Variants in SHISA6 observed in about 807,000 individuals in gnomAD.
The protein encoded by SHISA6 is shisa family member 6, also known as protein shisa-6.
SHISA6 carries 22 observed loss-of-function variants against 47.9 expected under a neutral mutation model. The ratio of observed to expected loss-of-function variants is 0.46; its 90% CI spans 0.33 to 0.66. The LOEUF is 0.66. Ranked by LOEUF, SHISA6 falls within the 30% of genes least tolerant of loss-of-function variation. The pLI is 0.02. For synonymous variants in SHISA6, 388 were observed against 337.8 expected, an observed-to-expected ratio of 1.15 and a Z score of -1.63; for missense variants, 680 against 764.6, an observed-to-expected ratio of 0.89 and a Z score of 1.30.
intron 3 of SHISA6, among the ~76,000 whole-genome samples, chr17:11,532,678 T>TGCAG (rs1021166733): frequency 1.7e-4 from 26 of 150,978 alleles, no homozygotes; most frequent in Non-Finnish European, 3.1e-4. Context: ...CTGAATTGAA[T>TGCAG]GCAGTCTAAG....
chr17:11,510,979 C>T (rs148817621), intron 3 of SHISA6, among the ~76,000 whole-genome samples: 3 of 152,284 alleles, frequency 2.0e-5, no homozygotes, highest in African/African-American at 7.2e-5. Flanking sequence ...CACTGTGGCT[C>T]AGTGTTCTCT....
intron 2 of SHISA6, among the ~76,000 whole-genome samples, chr17:11,365,367 T>A (rs1306591440): frequency 6.6e-6 from 1 of 152,104 alleles, no homozygotes; most frequent in Non-Finnish European, 1.5e-5. Context: ...AACCTCTGCC[T>A]CCCAGATTCA....
chr17:11,293,530 G>A (rs1166015617), intron 2 of SHISA6, among the ~76,000 whole-genome samples: 2 of 152,080 alleles, frequency 1.3e-5, no homozygotes, highest in Admixed American at 1.3e-4. Context: ...TGGAGCCTGG[G>A]CATCCTCGGA....
chr17:11,403,361 C>G (rs1192646054), intron 3 of SHISA6, among the ~76,000 whole-genome samples: 1 of 152,156 alleles, frequency 6.6e-6, no homozygotes, highest in East Asian at 1.9e-4. Flanking sequence ...AGCCACTACA[C>G]TGCAAAAAAG....
At position 11,277,793 on chromosome 17, in the gene SHISA6, A is replaced by G. The variant is rs1040443104; in HGVS notation, c.799+14267A>G. Among the ~76,000 whole-genome samples the G allele has an allele frequency of 3.9e-4, 60 of 152,166 alleles. 1 individual carries two copies. The highest frequency in any genetic ancestry group is 1.4e-3 in the African/African-American group (57 of 41,428). ...CACGTGCCTTCCATGTCATAGCCCA[A>G]GATGGCTGCCTGAGCTCATGCCATC... On this transcript the variant is annotated intron_variant, in intron 2 of 5. Transcript: ENST00000441885.
chr17:11,368,090 A>G (rs1221762929), intron 2 of SHISA6, among the ~76,000 whole-genome samples: 1 of 152,208 alleles, frequency 6.6e-6, no homozygotes, highest in Non-Finnish European at 1.5e-5. Flanking sequence ...AAATCCCACA[A>G]GACGCTCTAT....
chr17:11,504,433 G>A (rs11871458), intron 3 of SHISA6, among the ~76,000 whole-genome samples: 2,058 of 152,260 alleles, frequency 0.014, 52 homozygotes, highest in African/African-American at 0.047. Flanking sequence ...TGTCCTGATC[G>A]TAGGAGCCCA....
At chr17:11,494,434 A>G (rs989281900) in intron 3 of SHISA6, among the ~76,000 whole-genome samples, 1 of 152,096 alleles carries the variant, frequency 6.6e-6, no homozygotes, top group African/African-American at 2.4e-5. Context: ...GTGCTATTAT[A>G]TTAGCTAAAA....
At chr17:11,344,941 G>A (rs551793718) in intron 2 of SHISA6, among the ~76,000 whole-genome samples, 3 of 151,698 alleles carry the variant, frequency 2.0e-5, no homozygotes, top group Non-Finnish European at 4.4e-5. Context: ...CCCTCTTTCC[G>A]ACCTTTCCTA....
intron 3 of SHISA6, among the ~76,000 whole-genome samples, chr17:11,395,245 G>A (rs188583909): frequency 7.2e-4 from 109 of 151,688 alleles, no homozygotes; most frequent in African/African-American, 2.6e-3. Flanking sequence ...TTATTCAAAC[G>A]TACCACTAGT....
chr17:11,329,982 GA>G (rs768586112), intron 2 of SHISA6, among the ~76,000 whole-genome samples: 7 of 150,626 alleles, frequency 4.6e-5, no homozygotes, highest in Non-Finnish European at 1.0e-4. Flanking sequence ...CATATGAGTA[GA>G]ATACGGCCAT....
At chr17:11,357,675 A>G (rs1912121772) in intron 2 of SHISA6, among the ~76,000 whole-genome samples, 2 of 152,368 alleles carry the variant, frequency 1.3e-5, no homozygotes, top group South Asian at 4.1e-4. Context: ...TGGATGTAAC[A>G]TAATTTATGC....
intron 3 of SHISA6, among the ~76,000 whole-genome samples, chr17:11,389,163 C>G (rs1440145225): frequency 6.6e-6 from 1 of 152,076 alleles, no homozygotes; most frequent in Non-Finnish European, 1.5e-5. Context: ...GTAGCACCAC[C>G]ACATTTGCCC....
intron 2 of SHISA6, among the ~76,000 whole-genome samples, chr17:11,305,386 A>G (rs1033766817): frequency 2.0e-5 from 3 of 152,204 alleles, no homozygotes; most frequent in African/African-American, 7.2e-5. Context: ...TCAATAAGCA[A>G]TGCACAGGAA....
chr17:11,383,750 T>C (rs1288091002), intron 3 of SHISA6, among the ~76,000 whole-genome samples: 4 of 152,204 alleles, frequency 2.6e-5, no homozygotes, highest in African/African-American at 7.2e-5. Context: ...CTTTCTTGGT[T>C]CCTTTCTTTG....
At chr17:11,301,054 G>A (rs1160939403) in intron 2 of SHISA6, among the ~76,000 whole-genome samples, 2 of 152,140 alleles carry the variant, frequency 1.3e-5, no homozygotes, top group Non-Finnish European at 2.9e-5. Flanking sequence ...AACTTCTCCA[G>A]TACAGCTGCG....
intron 3 of SHISA6, among the ~76,000 whole-genome samples, chr17:11,527,400 A>C (rs1250295409): frequency 6.6e-6 from 1 of 152,188 alleles, no homozygotes. Flanking sequence ...TAGAAATTGG[A>C]GTCTAGTATT....
chr17:11,489,059 T>C (rs1434494369), intron 3 of SHISA6, among the ~76,000 whole-genome samples: 1 of 152,200 alleles, frequency 6.6e-6, no homozygotes, highest in Non-Finnish European at 1.5e-5. Context: ...TCTTCTAGGC[T>C]AGGCAAGATG....
chr17:11,459,944 C>G (rs1225928714), intron 3 of SHISA6, among the ~76,000 whole-genome samples: 1 of 152,190 alleles, frequency 6.6e-6, no homozygotes, highest in Non-Finnish European at 1.5e-5. Context: ...ACCCCAGAAC[C>G]CTGATGCGTT....
Sources: allele counts gnomAD v4.1 joint callset (sites outside exome capture counted in the v4.1 genomes callset), GRCh38; gene constraint gnomAD v4.1.1; transcripts MANE v1.5; gene names NCBI Gene and HGNC (gene_info 2026-07-23, HGNC 2026-07-21).